The following COL21A1 variants were observed in gnomAD, a reference collection of about 807,000 sequenced individuals.
COL21A1 encodes the protein collagen alpha-1(XXI) chain.
Under a neutral mutation model 137.9 loss-of-function variants are expected in COL21A1, and 149 were observed. That is an observed-to-expected ratio of 1.08 (90% CI 0.95 to 1.24). The LOEUF is 1.24. Ranked by LOEUF, COL21A1 falls within the 50% of genes most tolerant of loss-of-function variation. The pLI, the probability that COL21A1 is intolerant of heterozygous loss-of-function variation, is 0.00. For synonymous variants in COL21A1, 456 were observed against 391.5 expected (o/e 1.16, Z -1.95); for missense variants, 1,167 against 1,158.4 (o/e 1.01, Z -0.11).
intron 1 of COL21A1, among the ~76,000 whole-genome samples, chr6:56,392,665 A>G (rs2094032031): frequency 6.6e-6 from 1 of 152,236 alleles, no homozygotes; most frequent in Non-Finnish European, 1.5e-5. Context: ...AGGATACAAA[A>G]TAAACACACA....
chr6:56,165,907 TACACACACACACACAC>T (rs61397350), intron 7 of COL21A1, among the ~76,000 whole-genome samples: 28 of 105,806 alleles, frequency 2.6e-4, no homozygotes, highest in Admixed American at 1.5e-3. Flanking sequence ...GGGGATTGAT[TACACACACACACACAC>T]ACACACACAC....
chr6:56,085,657 T>C (rs1768175358), intron 17 of COL21A1, among the ~76,000 whole-genome samples: 1 of 152,010 alleles, frequency 6.6e-6, no homozygotes, highest in Non-Finnish European at 1.5e-5. Flanking sequence ...TCAAAGTCTC[T>C]ATATCAGTAG....
intron 25 of COL21A1, 95 bp downstream of exon 25, chr6:56,061,554 T>C: frequency 1.4e-6 from 1 of 705,626 alleles, no homozygotes; most frequent in Non-Finnish European, 2.2e-6. Context: ...CGTTTTCTGG[T>C]TTTTACTCAA....
chr6:56,309,579 G>A (rs953124006), intron 1 of COL21A1, among the ~76,000 whole-genome samples: 1 of 152,158 alleles, frequency 6.6e-6, no homozygotes, highest in Non-Finnish European at 1.5e-5. Context: ...ATTGTTGGAT[G>A]TGAGGTACTC....
chr6:56,163,486 G>A (rs1051012025), intron 9 of COL21A1, among the ~76,000 whole-genome samples: 11 of 152,058 alleles, frequency 7.2e-5, no homozygotes, highest in African/African-American at 1.4e-4. Flanking sequence ...GGAGGCGGGC[G>A]GATCACGAGG....
At chr6:56,310,882 T>C (rs1196296618) in intron 1 of COL21A1, among the ~76,000 whole-genome samples, 1 of 152,112 alleles carries the variant, frequency 6.6e-6, no homozygotes, top group East Asian at 1.9e-4. Flanking sequence ...TGATAGATTT[T>C]TTTTCCTTCT....
chr6:56,173,818 T>A (rs762622712), intron 3 of COL21A1, among the ~76,000 whole-genome samples: 1 of 152,140 alleles, frequency 6.6e-6, no homozygotes, highest in Non-Finnish European at 1.5e-5. Flanking sequence ...AATAGAAGAC[T>A]TGAACAATAC....
chr6:56,296,462 CA>C (rs1469283487), intron 1 of COL21A1, among the ~76,000 whole-genome samples: 6 of 151,886 alleles, frequency 4.0e-5, no homozygotes, highest in Admixed American at 3.9e-4. Flanking sequence ...GCTGTATCTC[CA>C]ATTACCTCAT....
intron 1 of COL21A1, among the ~76,000 whole-genome samples, chr6:56,325,140 C>T (rs1358104018): frequency 6.8e-6 from 1 of 147,238 alleles, no homozygotes; most frequent in African/African-American, 2.5e-5. Flanking sequence ...ATGAAGCCTC[C>T]TATGTTGCAT....
Position 56,273,483 on chromosome 6 carries a change from C to A in COL21A1, c.-38-90827G>T, listed in dbSNP as rs374278728. On this transcript the variant is annotated intron_variant, in intron 1 of 28. Transcript: ENST00000370819. ...AACAAAATTGATAGACTGCTAGCTA[C>A]ATCAACAAAGAAAACAGAGAAGATC... is the stretch of plus-strand genomic sequence containing the variant. 7.2e-5 allele frequency among the ~76,000 whole-genome samples: 11 copies of A among 152,252 alleles called. No individual in the cohort carries two copies. The East Asian group carries it at 1.9e-3, about 27-fold the overall frequency.
chr6:56,164,166 A>G (rs369802765), intron 9 of COL21A1, among the ~76,000 whole-genome samples: 14 of 152,170 alleles, frequency 9.2e-5, no homozygotes, highest in African/African-American at 2.9e-4. Context: ...TATTTGGGGG[A>G]AAAAAACAAC....
chr6:56,181,405 T>TG (rs1777882077), intron 2 of COL21A1, among the ~76,000 whole-genome samples: 1 of 152,072 alleles, frequency 6.6e-6, no homozygotes, highest in African/African-American at 2.4e-5. Context: ...TTTTGTTTTT[T>TG]TTTTGCAGGG....
At position 56,182,526 on chromosome 6, in the gene COL21A1, CT is replaced by C; in HGVS notation, c.88+4del. 1 of 1,573,786 alleles carries C rather than the reference CT, an allele frequency of 6.4e-7. No homozygotes were observed. Among genetic ancestry groups the C allele is most frequent in the Non-Finnish European group, 8.7e-7 (1 of 1,150,830 alleles). On this transcript the variant is annotated splice_donor_region_variant and intron_variant, in intron 2 of 29. Transcript: ENST00000244728. ...ACAAAAAAGGACAATGCTGATAGTT[CT>C]TACTTGATCTTACTTCCCCATCTTC... is the stretch of plus-strand genomic sequence containing the variant.
intron 16 of COL21A1, among the ~76,000 whole-genome samples, chr6:56,123,369 T>A (rs2841007): frequency 6.6e-6 from 1 of 152,176 alleles, no homozygotes; most frequent in African/African-American, 2.4e-5. Flanking sequence ...GCACTTGAAG[T>A]AAATAAATGA....
chr6:56,325,395 T>A lies in COL21A1; in HGVS notation c.-39+68576A>T, dbSNP rs1430980910. On this transcript the variant is annotated intron_variant, in intron 1 of 28. Coordinates refer to the COL21A1 transcript ENST00000370819. Reference sequence around the variant, plus strand: ...ATATATATTATAATATATTATATATTATATATATTATATATATTATATATT... The same window carrying A: ...ATATATATTATAATATATTATATATAATATATATTATATATATTATATATT... 5.6e-3 allele frequency among the ~76,000 whole-genome samples: 3 copies of A among 538 alleles called. 1 individual carries two copies. Among genetic ancestry groups the A allele is most frequent in the African/African-American group, 5.7e-3 (3 of 522 alleles). 0.4% of individuals were successfully genotyped at this position (538 alleles called of 152,430 possible). A position where few individuals can be genotyped will look rare whatever the true frequency, so the allele number is the denominator to read the frequency against.
At chr6:56,379,163 C>G (rs1232638592) in intron 1 of COL21A1, among the ~76,000 whole-genome samples, 5 of 152,150 alleles carry the variant, frequency 3.3e-5, no homozygotes, top group African/African-American at 1.2e-4. Flanking sequence ...CTCTTCAACG[C>G]CCAGACACAG....
rs181535202 is a variant in COL21A1, at chr6:56,065,923, G to A, written c.2128-1301C>T. ...GGAGACCAGTTAGGAAGATATTGCA[G>A]TAGCCCAGGACCCCTGACAAGAAAT... On this transcript the variant is annotated intron_variant, in intron 23 of 29. Coordinates refer to ENST00000244728, the MANE Select transcript of COL21A1 (RefSeq NM_030820.4). Among the ~76,000 whole-genome samples, 187 of 152,050 alleles carry A rather than the reference G, an allele frequency of 1.2e-3. 1 individual carries two copies. The highest frequency in any genetic ancestry group is 4.2e-3 in the African/African-American group (176 of 41,524).
chr6:56,155,342 T>A (rs1173444713), intron 10 of COL21A1, among the ~76,000 whole-genome samples: 1 of 151,874 alleles, frequency 6.6e-6, no homozygotes, highest in Non-Finnish European at 1.5e-5. Flanking sequence ...TGGTTTTTTT[T>A]GTTTGTTTGT....
chr6:56,143,765 G>C (rs1050612727), intron 10 of COL21A1, among the ~76,000 whole-genome samples: 1 of 152,144 alleles, frequency 6.6e-6, no homozygotes, highest in African/African-American at 2.4e-5. Flanking sequence ...ACTGGATTAT[G>C]AGCCCCCTTG....
Sources: gnomAD v4.1 joint callset for allele counts (sites outside exome capture counted in the v4.1 genomes callset) on GRCh38, gnomAD v4.1.1 for gene constraint, MANE v1.5 for transcripts, NCBI Gene and HGNC (gene_info 2026-07-23, HGNC 2026-07-21) for gene names.